The following MSRA variants were observed in gnomAD, a reference collection of about 807,000 sequenced individuals.
MSRA encodes the protein methionine sulfoxide reductase A.
Under a neutral mutation model 31.3 loss-of-function variants are expected in MSRA, and 54 were observed. That is an observed-to-expected ratio of 1.73 (90% confidence interval 1.39 to 2.17). The LOEUF (loss-of-function observed/expected upper bound fraction) is 2.17. Ranked by LOEUF, MSRA falls within the 30% of genes most tolerant of loss-of-function variation. The pLI is 0.00. For synonymous variants in MSRA, 169 were observed against 116.5 expected (o/e 1.45, Z -2.90); for missense variants, 507 against 300.9 (o/e 1.69, Z -5.07).
chr8:10,270,470 A>G (rs902995954), intron 3 of MSRA, among the ~76,000 whole-genome samples: 3 of 152,032 alleles, frequency 2.0e-5, no homozygotes, highest in Non-Finnish European at 2.9e-5. Context: ...ATTCTAATCC[A>G]AGTTTAGTAA....
intron 3 of MSRA, among the ~76,000 whole-genome samples, chr8:10,280,093 G>C (rs1292297740): frequency 6.6e-6 from 1 of 152,018 alleles, no homozygotes; most frequent in Non-Finnish European, 1.5e-5. Context: ...AGAAATTTTT[G>C]ACGTGAAGTT....
At chr8:10,098,134 A>G (rs1160286906) in intron 1 of MSRA, among the ~76,000 whole-genome samples, 2 of 152,160 alleles carry the variant, frequency 1.3e-5, no homozygotes, top group African/African-American at 2.4e-5. Flanking sequence ...GACCTTTTGT[A>G]CTACAAACAC....
chr8:10,154,750 G>A (rs951399290), intron 1 of MSRA, among the ~76,000 whole-genome samples: 2 of 151,992 alleles, frequency 1.3e-5, no homozygotes, highest in African/African-American at 4.8e-5. Context: ...GTGAAATAAT[G>A]TTGAAGTATA....
At chr8:10,073,992 T>A (rs1339604200) in intron 1 of MSRA, among the ~76,000 whole-genome samples, 1 of 148,672 alleles carries the variant, frequency 6.7e-6, no homozygotes, top group Non-Finnish European at 1.5e-5. Flanking sequence ...GAGTGTTGCT[T>A]TCTATACGTG....
chr8:10,210,862 T>A (rs1258256299), intron 2 of MSRA, among the ~76,000 whole-genome samples: 1 of 151,884 alleles, frequency 6.6e-6, no homozygotes, highest in Non-Finnish European at 1.5e-5. Context: ...GCCTCCCAAG[T>A]AGCTGGGATT....
chr8:10,061,901 G>A (rs1214615828), intron 1 of MSRA, among the ~76,000 whole-genome samples: 1 of 152,236 alleles, frequency 6.6e-6, no homozygotes, highest in Non-Finnish European at 1.5e-5. Context: ...GGCATCTGCA[G>A]CAGTGGTGGG....
chr8:10,310,615 C>T lies in MSRA; in HGVS notation c.436+8977C>T, dbSNP rs548444796. On this transcript the variant is annotated intron_variant, in intron 4 of 5. Transcript: ENST00000317173. Reference sequence around the variant, plus strand: ...CTAAGTGCTCATGTGTACGTGATCCCATTTGCTCCTTAAAGCAACCTATGA... The same window carrying T: ...CTAAGTGCTCATGTGTACGTGATCCTATTTGCTCCTTAAAGCAACCTATGA... Among the ~76,000 whole-genome samples, 19 of 152,330 alleles carry T rather than the reference C, an allele frequency of 1.2e-4. No homozygotes were observed. In the East Asian group the frequency reaches 3.1e-3, roughly 25 times the overall value.
intron 3 of MSRA, among the ~76,000 whole-genome samples, chr8:10,266,739 A>C (rs1203641894): frequency 6.6e-6 from 1 of 152,100 alleles, no homozygotes; most frequent in Non-Finnish European, 1.5e-5. Flanking sequence ...ATTTTGATTA[A>C]TTTTTATATA....
chr8:10,360,874 C>T (rs1804807243), intron 5 of MSRA, among the ~76,000 whole-genome samples: 1 of 152,192 alleles, frequency 6.6e-6, no homozygotes, highest in Admixed American at 6.5e-5. Context: ...GAGTTCATGC[C>T]TGCCACTCCA....
intron 3 of MSRA, among the ~76,000 whole-genome samples, chr8:10,289,312 C>T (rs982039731): frequency 6.6e-6 from 1 of 151,954 alleles, no homozygotes; most frequent in Non-Finnish European, 1.5e-5. Flanking sequence ...TGCACCCAGC[C>T]TTCTTTTTAA....
chr8:10,345,475 A>G (rs1041986437), intron 5 of MSRA, among the ~76,000 whole-genome samples: 1 of 152,180 alleles, frequency 6.6e-6, no homozygotes, highest in Non-Finnish European at 1.5e-5. Flanking sequence ...CATTATCACC[A>G]CCTGACTTCA....
Position 10,162,005 on chromosome 8 carries a change from C to T in MSRA, c.143-45828C>T, listed in dbSNP as rs116514693. ...GCGGATCCCAGCTCGCAGCAGGTGCCCACAGGACGCCGCCCCTCGCTTCCC... is the reference window on the plus strand; with the variant it reads ...GCGGATCCCAGCTCGCAGCAGGTGCTCACAGGACGCCGCCCCTCGCTTCCC... On this transcript the variant is annotated intron_variant, in intron 1 of 5. Transcript: ENST00000317173. Among the ~76,000 whole-genome samples, 816 of 152,256 alleles carry T rather than the reference C, an allele frequency of 5.4e-3. 7 individuals carry two copies. Among genetic ancestry groups the T allele is most frequent in the African/African-American group, 0.019 (777 of 41,554 alleles).
At chr8:10,385,802 T>A (rs1218481768) in intron 5 of MSRA, among the ~76,000 whole-genome samples, 1 of 88,782 alleles carries the variant, frequency 1.1e-5, no homozygotes, top group South Asian at 3.2e-4. Flanking sequence ...GTCACTCACC[T>A]GGTGGGGGGT....
chr8:10,129,128 A>G (rs1801714746), intron 1 of MSRA, among the ~76,000 whole-genome samples: 1 of 152,214 alleles, frequency 6.6e-6, no homozygotes, highest in Non-Finnish European at 1.5e-5. Flanking sequence ...AGAATATCTT[A>G]TGCCTCTAGC....
intron 1 of MSRA, among the ~76,000 whole-genome samples, chr8:10,066,529 A>T (rs865980157): frequency 3.9e-5 from 6 of 151,916 alleles, no homozygotes; most frequent in Middle Eastern, 3.4e-3. Flanking sequence ...AGTTCAGCTG[A>T]TATATCTGTT....
chr8:10,264,395 C>A (rs569886226), intron 3 of MSRA, among the ~76,000 whole-genome samples: 1 of 152,214 alleles, frequency 6.6e-6, no homozygotes, highest in Non-Finnish European at 1.5e-5. Flanking sequence ...TAAATGATTG[C>A]AAGATATATT....
intron 1 of MSRA, among the ~76,000 whole-genome samples, chr8:10,163,735 G>A (rs1291101878): frequency 1.3e-5 from 2 of 152,246 alleles, no homozygotes. Flanking sequence ...TAACATGGCA[G>A]CCAGAGGCGT....
intron 1 of MSRA, among the ~76,000 whole-genome samples, chr8:10,203,017 G>A (rs917090104): frequency 2.6e-5 from 4 of 151,728 alleles, no homozygotes; most frequent in Non-Finnish European, 4.4e-5. Flanking sequence ...TTGTGCCTGC[G>A]GTCCACAGGA....
At chr8:10,425,319 G>A (rs890844257) in intron 5 of MSRA, among the ~76,000 whole-genome samples, 1 of 152,216 alleles carries the variant, frequency 6.6e-6, no homozygotes, top group African/African-American at 2.4e-5. Flanking sequence ...GCTCGCCTTG[G>A]AGGTTTTTCT....
Sources: allele counts gnomAD v4.1 joint callset (sites outside exome capture counted in the v4.1 genomes callset), GRCh38; gene constraint gnomAD v4.1.1; transcripts MANE v1.5; gene names NCBI Gene and HGNC (gene_info 2026-07-23, HGNC 2026-07-21).